SFMBT1: variants seen among roughly 807,000 people sequenced by gnomAD.
The protein encoded by SFMBT1 is Scm like with four mbt domains 1.
SFMBT1 carries 32 observed loss-of-function variants against 108.7 expected under a neutral mutation model. That is an observed-to-expected ratio of 0.29 (90% CI 0.22 to 0.40). The LOEUF (loss-of-function observed/expected upper bound fraction) is 0.40, where lower values mean the gene tolerates loss of function less well. Among genes scored for constraint, SFMBT1 ranks in the 10% least tolerant of loss-of-function variants. The probability of loss-of-function intolerance (pLI) is 1.00; values close to 1 mark genes in which losing one functional copy is unlikely to be tolerated. For synonymous variants in SFMBT1, 348 were observed against 369.5 expected (o/e 0.94, Z 0.67); for missense variants, 816 against 1,059.6 (o/e 0.77, Z 3.19).
In SFMBT1 at chr3:52,926,052, A is replaced by G; in HGVS notation, c.1110T>C (p.Ala370=). 3 of 1,605,278 alleles carry G rather than the reference A, an allele frequency of 1.9e-6. No individual in the cohort carries two copies. Among genetic ancestry groups the G allele is most frequent in the South Asian group, 2.2e-5 (2 of 90,006 alleles). Residue 370 remains alanine (A), a synonymous_variant, in exon 10 of 21, where the codon GCT becomes GCC. Transcript: ENST00000394752. ...DYLKQCGAEA[A]PQRCFPPLIS... ...TCACCGGAGGGAAGCACCTCTGGGG[A>G]GCAGCTTCAGCACCACACTGTTTGA...
intron 3 of SFMBT1, among the ~76,000 whole-genome samples, chr3:52,950,631 T>C (rs1703543114): frequency 1.3e-5 from 2 of 152,108 alleles, no homozygotes; most frequent in African/African-American, 2.4e-5. Context: ...CCCACCATCA[T>C]GCCTGTCTAA....
chr3:52,945,307 G>A (rs1454575409), intron 3 of SFMBT1, among the ~76,000 whole-genome samples: 2 of 151,742 alleles, frequency 1.3e-5, no homozygotes, highest in African/African-American at 2.4e-5. Context: ...GGATCTCACT[G>A]GCTACATCTG....
chr3:52,935,004 T>C (rs949628129), intron 4 of SFMBT1, 103 bp from the exon 5 acceptor site: 1 of 913,450 alleles, frequency 1.1e-6, no homozygotes, highest in African/African-American at 1.7e-5. Flanking sequence ...CATTTTAAGA[T>C]CTAAGAGTCC....
In SFMBT1 at chr3:52,935,019, T is replaced by C. The variant is rs556610953; in HGVS notation, c.365-118A>G. On this transcript the variant is annotated intron_variant, in intron 4 of 20. Coordinates refer to ENST00000394752, the MANE Select transcript of SFMBT1 (RefSeq NM_016329.4). ...CATTTTAAGATCTAAGAGTCCAACA[T>C]ACTGCTTGAGAGCTTGAAAAGATAA... is the stretch of plus-strand genomic sequence containing the variant. 1.2e-4 allele frequency: 93 copies of C among 764,168 alleles called. 1 individual carries two copies. The South Asian group carries it at 1.6e-3, about 13-fold the overall frequency. 47.3% of individuals were successfully genotyped at this position (764,168 alleles called of 1,614,324 possible).
At chr3:52,999,169 C>T (rs1274417706) in intron 1 of SFMBT1, among the ~76,000 whole-genome samples, 1 of 150,910 alleles carries the variant, frequency 6.6e-6, no homozygotes, top group African/African-American at 2.4e-5. Context: ...GCGGCCTGTT[C>T]TGGTGCAAGG....
At chr3:52,953,222 C>A (rs1354546870) in intron 3 of SFMBT1, among the ~76,000 whole-genome samples, 3 of 152,116 alleles carry the variant, frequency 2.0e-5, no homozygotes, top group Non-Finnish European at 4.4e-5. Context: ...TCCCAGCACT[C>A]TGGGAGGCCA....
chr3:52,979,436 C>T (rs1331084117), intron 1 of SFMBT1, among the ~76,000 whole-genome samples: 14 of 152,176 alleles, frequency 9.2e-5, no homozygotes, highest in Admixed American at 7.9e-4. Context: ...AAAAGCCTTC[C>T]GCCACATAGC....
intron 10 of SFMBT1, 89 bp downstream of exon 10, chr3:52,925,942 A>G: frequency 8.4e-7 from 1 of 1,190,070 alleles, no homozygotes; most frequent in East Asian, 2.6e-5. Flanking sequence ...TGAGATGATT[A>G]TCTTCAGAGC....
At chr3:52,963,474 G>A (rs1336595124) in intron 2 of SFMBT1, among the ~76,000 whole-genome samples, 2 of 149,350 alleles carry the variant, frequency 1.3e-5, no homozygotes, top group African/African-American at 4.9e-5. Context: ...TTTGAGACAG[G>A]GTCTTGCTCT....
At chr3:52,925,078 G>T (rs952434572) in intron 10 of SFMBT1, among the ~76,000 whole-genome samples, 4 of 151,958 alleles carry the variant, frequency 2.6e-5, no homozygotes, top group African/African-American at 9.7e-5. Context: ...AAAATTAGGC[G>T]AGTGTGCTGG....
intron 1 of SFMBT1, among the ~76,000 whole-genome samples, chr3:53,017,160 A>C (rs1295377812): frequency 6.6e-6 from 1 of 152,210 alleles, no homozygotes; most frequent in Non-Finnish European, 1.5e-5. Flanking sequence ...AAGAAAATGA[A>C]ACTAAGGCTA....
chr3:52,939,611 G>A (rs747035066), intron 4 of SFMBT1, among the ~76,000 whole-genome samples: 10 of 152,022 alleles, frequency 6.6e-5, no homozygotes, highest in Non-Finnish European at 1.0e-4. Context: ...CTAAATTATA[G>A]TTTATAGTAT....
intron 5 of SFMBT1, among the ~76,000 whole-genome samples, chr3:52,933,567 C>T (rs1321955670): frequency 6.6e-6 from 1 of 152,130 alleles, no homozygotes; most frequent in African/African-American, 2.4e-5. Flanking sequence ...TAAAAGTCAG[C>T]ATGGCAGAGT....
intron 10 of SFMBT1, among the ~76,000 whole-genome samples, chr3:52,922,171 G>T (rs1435964239): frequency 1.3e-5 from 2 of 152,172 alleles, no homozygotes; most frequent in Non-Finnish European, 2.9e-5. Flanking sequence ...AGGTATCAAT[G>T]AAATAGTCTC....
rs760658113 is a variant in SFMBT1 at position 52,940,562 on chromosome 3, G to C, written c.364+2791C>G. Among the ~76,000 whole-genome samples, 11 of 152,226 alleles carry C rather than the reference G, an allele frequency of 7.2e-5. No individual in the cohort carries two copies. The South Asian group carries it at 2.3e-3, about 32-fold the overall frequency. On this transcript the variant is annotated intron_variant, in intron 4 of 20. Transcript: ENST00000394752. Reference sequence around the variant, plus strand: ...ACATATACACATACATACATAAATGGAGGAAAGGGGGAAGCTCTTTCTATA... The same window carrying C: ...ACATATACACATACATACATAAATGCAGGAAAGGGGGAAGCTCTTTCTATA...
intron 2 of SFMBT1, among the ~76,000 whole-genome samples, chr3:52,965,773 G>A (rs9812543): frequency 0.24 from 36,546 of 151,682 alleles, 4,664 homozygotes; most frequent in Admixed American, 0.36. Context: ...TTGGGAGGCC[G>A]AGGCGGGCAG....
At chr3:53,040,457 A>C (rs1246823105) in intron 1 of SFMBT1, among the ~76,000 whole-genome samples, 1 of 152,130 alleles carries the variant, frequency 6.6e-6, no homozygotes, top group East Asian at 1.9e-4. Context: ...TCCAACTCTC[A>C]TCTAAGATCC....
chr3:53,029,051 T>C (rs940138530), intron 1 of SFMBT1, among the ~76,000 whole-genome samples: 3 of 151,626 alleles, frequency 2.0e-5, no homozygotes, highest in African/African-American at 7.3e-5. Context: ...CGGGCGCCTG[T>C]AGTCCCAGCT....
chr3:52,912,411 C>T (rs1304319884), intron 16 of SFMBT1, 127 bp downstream of exon 16: 6 of 649,360 alleles, frequency 9.2e-6, no homozygotes, highest in South Asian at 1.7e-5. Flanking sequence ...AACTCCTGAC[C>T]TTGTGATCCG....
Sources: allele counts gnomAD v4.1 joint callset (sites outside exome capture counted in the v4.1 genomes callset), GRCh38; gene constraint gnomAD v4.1.1; transcripts MANE v1.5; gene names NCBI Gene and HGNC (gene_info 2026-07-23, HGNC 2026-07-21).